Variants in MYBPC1 observed in about 807,000 individuals in gnomAD.
The protein encoded by MYBPC1 is myosin-binding protein C, slow-type.
A neutral mutation model predicts 147.1 loss-of-function variants in MYBPC1; 52 were observed. That is an observed-to-expected ratio of 0.35 (90% CI 0.28 to 0.45). MYBPC1 has a LOEUF of 0.45. MYBPC1 is among the 20% of genes least tolerant of loss of function. MYBPC1 has a pLI of 1.00. For synonymous variants in MYBPC1, 477 were observed against 475.9 expected (o/e 1.00, Z -0.03); for missense variants, 1,228 against 1,440.3 (o/e 0.85, Z 2.39).
At chr12:101,657,231 G>T (rs1895694349) in intron 18 of MYBPC1, among the ~76,000 whole-genome samples, 1 of 151,990 alleles carries the variant, frequency 6.6e-6, no homozygotes, top group South Asian at 2.1e-4. Flanking sequence ...GAAATTAATG[G>T]CAATGATTGC....
chr12:101,622,556 G>A (rs906426247), intron 3 of MYBPC1, among the ~76,000 whole-genome samples: 4 of 152,008 alleles, frequency 2.6e-5, no homozygotes, highest in Admixed American at 6.6e-5. Flanking sequence ...CCAACATGGT[G>A]AAACCCCATC....
chr12:101,665,283 C>T (rs549638172), intron 22 of MYBPC1, among the ~76,000 whole-genome samples: 183 of 152,238 alleles, frequency 1.2e-3, no homozygotes, highest in Non-Finnish European at 2.2e-3. Flanking sequence ...TCTCTCACAA[C>T]GTGTATCTCT....
At chr12:101,691,366 C>T in the MYBPC1 span, among the ~76,000 whole-genome samples, 1 of 152,256 alleles carries the variant, frequency 6.6e-6, no homozygotes, top group East Asian at 1.9e-4. Context: ...GCCACTGCAC[C>T]CGGCCTCTAG....
chr12:101,666,944 T>TCCTTAGAG lies in MYBPC1; in HGVS notation c.2357-787_2357-780dup, dbSNP rs1319052369. 3 of 594,912 alleles carry TCCTTAGAG rather than the reference T, an allele frequency of 5.0e-6. No homozygotes were observed. The East Asian group carries it at 1.3e-4, about 26-fold the overall frequency. The allele number at this position is 594,912 out of a possible 1,614,324, so 36.9% of individuals were successfully genotyped here. A position where few individuals can be genotyped will look rare whatever the true frequency, so the allele number is the denominator to read the frequency against. On this transcript the variant is annotated intron_variant, in intron 22 of 31. Transcript: ENST00000361466. ...ACACACACACATACACACACACACA[T>TCCTTAGAG]CCTTAGAGATGGGGGAGAGGGAGCA...
Position 101,628,231 on chromosome 12 carries a change from A to G in MYBPC1, c.178+427A>G, listed in dbSNP as rs1254592247. 7 of 268,566 alleles carry G rather than the reference A, an allele frequency of 2.6e-5. No homozygotes were observed. The South Asian group carries it at 2.8e-4, about 11-fold the overall frequency. The allele number at this position is 268,566 out of a possible 1,614,324, so 16.6% of individuals were successfully genotyped here. ...TTCATTCGACAAATTTGTACTGAGG[A>G]CCTAATATGATCCTATTATGGGCCT... On this transcript the variant is annotated intron_variant, in intron 5 of 31. Coordinates refer to ENST00000361466, the MANE Select transcript of MYBPC1 (RefSeq NM_002465.4).
At chr12:101,654,497 A>T (rs752187487) in intron 18 of MYBPC1, among the ~76,000 whole-genome samples, 14 of 152,168 alleles carry the variant, frequency 9.2e-5, no homozygotes, top group Non-Finnish European at 1.9e-4. Context: ...ACCTGGACAG[A>T]ACCCAGTGGA....
chr12:101,669,311 T>C (rs1035485383), intron 23 of MYBPC1, among the ~76,000 whole-genome samples: 3 of 152,142 alleles, frequency 2.0e-5, no homozygotes, highest in African/African-American at 7.2e-5. Context: ...CTTGGGGAAA[T>C]AAGTAAGAAG....
Position 101,685,811 on chromosome 12 carries a change from GAA to G in MYBPC1, c.*264_*265del, listed in dbSNP as rs11417395. ...TTTTCTTTCCTCCTAATGTTGAAGA[GAA>G]AAAAAAAAAAAAAAGTTTGCCCAGA... On this transcript the variant is annotated 3_prime_UTR_variant, in exon 32 of 32. Coordinates refer to ENST00000361466, the MANE Select transcript of MYBPC1 (RefSeq NM_002465.4). 3,404 of 354,686 alleles carry G rather than the reference GAA, an allele frequency of 9.6e-3. No homozygotes were observed. Among genetic ancestry groups the G allele is most frequent in the Non-Finnish European group, 0.011 (2,294 of 212,736 alleles). 22.0% of individuals were successfully genotyped at this position (354,686 alleles called of 1,614,324 possible).
At chr12:101,607,789 G>GTGTTT (rs940527159) in intron 1 of MYBPC1, among the ~76,000 whole-genome samples, 14 of 152,274 alleles carry the variant, frequency 9.2e-5, no homozygotes, top group Non-Finnish European at 1.8e-4. Flanking sequence ...GTGTTTTGTT[G>GTGTTT]TGTTTTGTTT....
chr12:101,668,179 G>A (rs1267386229), intron 23 of MYBPC1, among the ~76,000 whole-genome samples: 2 of 152,114 alleles, frequency 1.3e-5, no homozygotes, highest in African/African-American at 4.8e-5. Flanking sequence ...TTACAGTGGA[G>A]AGAGAGTATG....
chr12:101,663,245 C>A (rs766466071), intron 21 of MYBPC1, among the ~76,000 whole-genome samples, 181 bp from the exon 22 acceptor site: 3 of 152,184 alleles, frequency 2.0e-5, no homozygotes, highest in Non-Finnish European at 2.9e-5. Flanking sequence ...TTCCAAAATT[C>A]TCACATTGAT....
chr12:101,642,330 G>A (rs888083538), intron 10 of MYBPC1, 89 bp from the exon 11 acceptor site: 4 of 1,392,552 alleles, frequency 2.9e-6, no homozygotes, highest in Middle Eastern at 3.5e-4. Context: ...TTTTTACACT[G>A]AACTGAAAAA....
At position 101,602,760 on chromosome 12, in the gene MYBPC1, A is replaced by G. The variant is rs998494358; in HGVS notation, c.25+7665A>G. On this transcript the variant is annotated intron_variant, in intron 1 of 31. Transcript: ENST00000361466. Reference sequence around the variant, plus strand: ...AGTCATAACCATCATTCCCACCACTATATTTCCTTCTTTTACTTGTGGTGA... The same window carrying G: ...AGTCATAACCATCATTCCCACCACTGTATTTCCTTCTTTTACTTGTGGTGA... 4.6e-5 allele frequency among the ~76,000 whole-genome samples: 7 copies of G among 152,260 alleles called. No individual in the cohort carries two copies. In the East Asian group the frequency reaches 7.7e-4, roughly 17 times the overall value.
chr12:101,664,847 C>T (rs11110946), intron 22 of MYBPC1, among the ~76,000 whole-genome samples: 31,514 of 152,146 alleles, frequency 0.21, 3,794 homozygotes, highest in Middle Eastern at 0.34. Flanking sequence ...GATAGTGTCA[C>T]TAATGCAACA....
intron 21 of MYBPC1, among the ~76,000 whole-genome samples, chr12:101,663,032 A>C (rs774717918): frequency 2.0e-5 from 3 of 152,226 alleles, no homozygotes; most frequent in Non-Finnish European, 4.4e-5. Context: ...AGGCAAAAAA[A>C]AAAGATATCT....
chr12:101,661,896 C>CAAAAAAAAAAAAAAAA (rs66873575), intron 20 of MYBPC1, among the ~76,000 whole-genome samples: 1 of 83,212 alleles, frequency 1.2e-5, no homozygotes, highest in African/African-American at 4.5e-5. Context: ...GACTCTGTCT[C>CAAAAAAAAAAAAAAAA]AAAAAAAAAA....
chr12:101,624,439 G>T (rs1334369161), intron 3 of MYBPC1, among the ~76,000 whole-genome samples: 1 of 151,936 alleles, frequency 6.6e-6, no homozygotes, highest in African/African-American at 2.4e-5. Flanking sequence ...TATCCTGCTT[G>T]TACAGTCATA....
At chr12:101,629,919 A>C (rs978309346) in intron 6 of MYBPC1, among the ~76,000 whole-genome samples, 1 of 152,112 alleles carries the variant, frequency 6.6e-6, no homozygotes, top group African/African-American at 2.4e-5. Flanking sequence ...AACATTAACC[A>C]TTTTAAAGTG....
intron 9 of MYBPC1, 139 bp downstream of exon 9, chr12:101,634,744 A>G: frequency 1.4e-6 from 1 of 720,558 alleles, no homozygotes; most frequent in Non-Finnish European, 2.4e-6. Flanking sequence ...ATATTTAAAC[A>G]TTGGTGTTCT....
Sources: gnomAD v4.1 joint callset for allele counts (sites outside exome capture counted in the v4.1 genomes callset) on GRCh38, gnomAD v4.1.1 for gene constraint, MANE v1.5 for transcripts, NCBI Gene and HGNC (gene_info 2026-07-23, HGNC 2026-07-21) for gene names.